Variants in SUN2 observed in about 807,000 individuals in gnomAD.
SUN2 encodes Sad1 and UNC84 domain containing 2.
Under a neutral mutation model 100.0 loss-of-function variants are expected in SUN2, and 60 were observed. That is an observed-to-expected ratio of 0.60 (90% CI 0.49 to 0.74). The LOEUF (loss-of-function observed/expected upper bound fraction) is 0.74, where lower values mean the gene tolerates loss of function less well. SUN2 is among the 30% of genes least tolerant of loss of function. The pLI, the probability that SUN2 is intolerant of heterozygous loss-of-function variation, is 0.00. For synonymous variants in SUN2, 367 were observed against 403.3 expected (o/e 0.91, Z 1.08); for missense variants, 834 against 954.6 (o/e 0.87, Z 1.66).
intron 2 of SUN2, among the ~76,000 whole-genome samples, chr22:38,751,990 T>C (rs924429013): frequency 1.3e-5 from 2 of 152,202 alleles, no homozygotes; most frequent in African/African-American, 4.8e-5. Context: ...CTTTTTGAGA[T>C]TGAGATGGAG....
chr22:38,741,065 G>T lies in SUN2; in HGVS notation c.1147-15C>A. 6.3e-7 allele frequency: 1 copy of T among 1,592,106 alleles called. No homozygotes were observed. Among genetic ancestry groups the T allele is most frequent in the Non-Finnish European group, 8.6e-7 (1 of 1,168,618 alleles). ...GCCTCGGACTCCTGTGTAGGAAGAA[G>T]GGACAAATACAAGAAATACTCATCT... On this transcript the variant is annotated splice_polypyrimidine_tract_variant and intron_variant, in intron 10 of 17. Transcript: ENST00000689035.
chr22:38,736,451 G>T, intron 17 of SUN2, 71 bp from the exon 18 acceptor site: 1 of 1,339,662 alleles, frequency 7.5e-7, no homozygotes, highest in South Asian at 1.4e-5. Context: ...AGGTGGGAAG[G>T]GGAGACAGCC....
In SUN2 at chr22:38,739,487, C is replaced by T. The variant is rs764748684; in HGVS notation, c.1579-61G>A. 48 of 1,581,494 alleles carry T rather than the reference C, an allele frequency of 3.0e-5. No individual in the cohort carries two copies. Among genetic ancestry groups the T allele is most frequent in the Non-Finnish European group, 3.9e-5 (45 of 1,155,880 alleles). ...GAGCAGACGTGTCCCCCTGTCACCT[C>T]GTGGCCGTGGGCCAAGGACCCATGG... On this transcript the variant is annotated intron_variant, in intron 13 of 17. Coordinates refer to ENST00000689035, the MANE Select transcript of SUN2 (RefSeq NM_015374.3). This position sits in a 1 kb window ranked among gnomAD's most constrained non-coding sequence, Gnocchi z 6.7.
chr22:38,747,024 TCA>T (rs1209291719), intron 7 of SUN2, among the ~76,000 whole-genome samples: 1 of 141,978 alleles, frequency 7.0e-6, no homozygotes, highest in Non-Finnish European at 1.5e-5. Context: ...ACAGACTCCA[TCA>T]CACACACACA....
rs775107257 is a variant in SUN2, at chr22:38,738,185, C to G, written c.2028G>C (p.Thr676=). 2 of 1,613,968 alleles carry G rather than the reference C, an allele frequency of 1.2e-6. No homozygotes were observed. Among genetic ancestry groups the G allele is most frequent in the Non-Finnish European group, 1.7e-6 (2 of 1,180,004 alleles). ...TYDQDGEPIQ[T]FHFQAPTMAT... ...CAGCATCCCGTACCTGAAAGTGAAA[C>G]GTCTGAATAGGCTCGCCGTCCTGAT... is the stretch of plus-strand genomic sequence containing the variant. Residue 676 remains threonine (T), a synonymous_variant, in exon 17 of 18, where the codon ACG becomes ACC. Coordinates refer to ENST00000689035, the MANE Select transcript of SUN2 (RefSeq NM_015374.3). This position sits in a 1 kb window ranked among gnomAD's most constrained non-coding sequence, Gnocchi z 6.6.
At position 38,738,737 on chromosome 22, in the gene SUN2, G is replaced by T. The variant is rs749129041; in HGVS notation, c.1797C>A (p.Gly599=). 13 of 1,613,446 alleles carry T rather than the reference G, an allele frequency of 8.1e-6. No individual in the cohort carries two copies. Among genetic ancestry groups the T allele is most frequent in the Non-Finnish European group, 1.1e-5 (13 of 1,179,972 alleles). The part of the protein sequence containing the change: ...RVILQPDVHP[G]NCWAFQGPQG... Reference sequence around the variant, plus strand: ...GTGGCCCCTGGAAGGCCCAGCAGTTGCCTGGGTGCACATCTGGCTGGAGGA... The same window carrying T: ...GTGGCCCCTGGAAGGCCCAGCAGTTTCCTGGGTGCACATCTGGCTGGAGGA... Residue 599 remains glycine, a synonymous_variant, in exon 16 of 18, where the codon GGC becomes GGA. Coordinates refer to ENST00000689035, the MANE Select transcript of SUN2 (RefSeq NM_015374.3). The surrounding 1 kb of genome is among the most constrained non-coding windows in gnomAD (Gnocchi z 6.6).
chr22:38,749,726 G>A, intron 6 of SUN2, 40 bp downstream of exon 6: 1 of 1,575,288 alleles, frequency 6.3e-7, no homozygotes, highest in Admixed American at 1.7e-5. Context: ...CTTCACCCCA[G>A]GGCCTTGCGA....
At position 38,740,075 on chromosome 22, in the gene SUN2, C is replaced by A. The variant is rs991792495; in HGVS notation, c.1357-132G>T. 1.6e-6 allele frequency: 2 copies of A among 1,243,998 alleles called. No homozygotes were observed. The highest frequency in any genetic ancestry group is 2.2e-6 in the Non-Finnish European group (2 of 905,198). The allele number at this position is 1,243,998 out of a possible 1,614,324, so 77.1% of individuals were successfully genotyped here. On this transcript the variant is annotated intron_variant, in intron 12 of 17. Transcript: ENST00000689035. This position sits in a 1 kb window ranked among gnomAD's most constrained non-coding sequence, Gnocchi z 4.8. ...GGCCACTGGAGGAAAGAGTTATGAA[C>A]ACTCCATGGGCACTAACAAAAACAG...
chr22:38,754,113 C>T (rs755127512), intron 1 of SUN2, among the ~76,000 whole-genome samples: 2 of 152,132 alleles, frequency 1.3e-5, no homozygotes, highest in Non-Finnish European at 2.9e-5. Context: ...ACAAAGGAAG[C>T]CAAAGTGCAA....
chr22:38,740,511 C>T lies in SUN2; in HGVS notation c.1191-79G>A. 3 of 1,383,006 alleles carry T rather than the reference C, an allele frequency of 2.2e-6. No homozygotes were observed. The highest frequency in any genetic ancestry group is 2.8e-6 in the Non-Finnish European group (3 of 1,055,818). The allele number at this position is 1,383,006 out of a possible 1,614,324, so 85.7% of individuals were successfully genotyped here. ...CCACACCAAAGATGAAAGAGGACCC[C>T]CTAGTGGGCTCCCGTCAGGAGAGCG... On this transcript the variant is annotated intron_variant, in intron 11 of 17. Transcript: ENST00000689035. The surrounding 1 kb of genome is among the most constrained non-coding windows in gnomAD (Gnocchi z 4.8).
chr22:38,742,760 G>A, intron 8 of SUN2: 1 of 613,898 alleles, frequency 1.6e-6, no homozygotes, highest in Non-Finnish European at 2.8e-6. Flanking sequence ...GGATCACTGG[G>A]TGCCGGCCAC....
At position 38,738,988 on chromosome 22, in the gene SUN2, CCT is replaced by C; in HGVS notation, c.1664-2_1664-1del. 3 of 1,607,908 alleles carry C rather than the reference CCT, an allele frequency of 1.9e-6. No individual in the cohort carries two copies. Among genetic ancestry groups the C allele is most frequent in the Non-Finnish European group, 2.5e-6 (3 of 1,177,358 alleles). On this transcript the variant is annotated splice_acceptor_variant, in intron 14 of 17. Transcript: ENST00000689035. LOFTEE classifies it high-confidence loss of function. The surrounding 1 kb of genome is among the most constrained non-coding windows in gnomAD (Gnocchi z 6.6). ...ACATCGGGTGCTGATGACGCTGGCCCCTGAGACAGGAGAGGAAGGCAGGGTGG... is the reference window on the plus strand; with the variant it reads ...ACATCGGGTGCTGATGACGCTGGCCCGAGACAGGAGAGGAAGGCAGGGTGG...
At position 38,749,788 on chromosome 22, in the gene SUN2, G is replaced by T. The variant is rs577055913; in HGVS notation, c.592C>A (p.Leu198Ile). The T allele has an allele frequency of 6.2e-7, 1 of 1,614,156 alleles. No individual in the cohort carries two copies. Among genetic ancestry groups the T allele is most frequent in the African/African-American group, 1.3e-5 (1 of 75,062 alleles). ...CACCTGGTTAAAACGAAGACGTCAA[G>T]GAGGGAGGCAGCTGTGGTCAGGCGG... ...WYRLTTAASL[L>I]DVFVLTRRFS... Residue 198 changes from leucine to isoleucine, a missense_variant, in exon 6 of 18, where the codon CTT (leucine) becomes ATT (isoleucine). Leu to Ile is a conservative substitution (Grantham distance 5). Coordinates refer to ENST00000689035, the MANE Select transcript of SUN2 (RefSeq NM_015374.3).
At chr22:38,742,826 G>A in intron 8 of SUN2, 1 of 421,492 alleles carries the variant, frequency 2.4e-6, no homozygotes, top group Non-Finnish European at 4.3e-6. Context: ...GAGGAAGGAA[G>A]GTGGGCCGGG....
At chr22:38,741,453 A>G in intron 10 of SUN2, 41 bp downstream of exon 10, 1 of 1,591,908 alleles carries the variant, frequency 6.3e-7, no homozygotes. Context: ...GGATGGGGTC[A>G]GGACCCAGTC....
chr22:38,741,803 G>A (rs1569297930), intron 9 of SUN2, among the ~76,000 whole-genome samples: 1 of 152,300 alleles, frequency 6.6e-6, no homozygotes. Context: ...GGGGGTGGGG[G>A]AGACACGATG....
intron 7 of SUN2, among the ~76,000 whole-genome samples, chr22:38,746,610 T>C (rs138713): frequency 0.35 from 53,776 of 152,104 alleles, 10,122 homozygotes; most frequent in African/African-American, 0.48. Context: ...CCCCTCCACG[T>C]GCATCTCCAT....
At chr22:38,750,445 C>T (rs1012558884) in intron 4 of SUN2, 125 bp from the exon 5 acceptor site, 18 of 1,516,912 alleles carry the variant, frequency 1.2e-5, no homozygotes, top group South Asian at 3.6e-5. Flanking sequence ...CACACAGGCC[C>T]GGTGTGCAGT....
rs774003824 is a variant in SUN2, at chr22:38,751,007, TCTC to T, written c.312_314del (p.Arg105del). 1.8e-5 allele frequency: 29 copies of T among 1,613,510 alleles called. No individual in the cohort carries two copies. The East Asian group carries it at 6.2e-4, about 35-fold the overall frequency. ...TGCTGCTCTCTGAGCCACCCGTGCCTCTCCTCCTCCGCACCCGCAGGTCCTCAC... is the reference window on the plus strand; with the variant it reads ...TGCTGCTCTCTGAGCCACCCGTGCCTCTCCTCCGCACCCGCAGGTCCTCAC... On this transcript the variant is annotated inframe_deletion, in exon 4 of 18. Transcript: ENST00000689035.
Sources: gnomAD v4.1 joint callset for allele counts (sites outside exome capture counted in the v4.1 genomes callset) on GRCh38, gnomAD v4.1.1 for gene constraint, Gnocchi (gnomAD v3.1) non-coding constraint, MANE v1.5 for transcripts, NCBI Gene and HGNC (gene_info 2026-07-23, HGNC 2026-07-21) for gene names.